The following ANK3 variants were observed in gnomAD, a reference collection of about 807,000 sequenced individuals.
The protein encoded by ANK3 is ankyrin-3.
A neutral mutation model predicts 370.9 loss-of-function variants in ANK3; 57 were observed. The observed-to-expected ratio is 0.15, with a 90% confidence interval of 0.12 to 0.19. The LOEUF is 0.19. Ranked by LOEUF, ANK3 falls within the 10% of genes least tolerant of loss-of-function variation. The probability of loss-of-function intolerance (pLI) is 1.00; values close to 1 mark genes in which losing one functional copy is unlikely to be tolerated. For synonymous variants in ANK3, 1,929 were observed against 1,946.3 expected, an observed-to-expected ratio of 0.99 and a Z score of 0.23; for missense variants, 4,439 against 5,302.1, an observed-to-expected ratio of 0.84 and a Z score of 5.06.
At chr10:60,164,013 T>A (rs2095560151) in intron 23 of ANK3, among the ~76,000 whole-genome samples, 1 of 152,162 alleles carries the variant, frequency 6.6e-6, no homozygotes, top group African/African-American at 2.4e-5. Context: ...CAACACTAAA[T>A]CTAACTAAAA....
intron 1 of ANK3, among the ~76,000 whole-genome samples, chr10:60,361,268 A>G (rs2058567028): frequency 6.6e-6 from 1 of 152,180 alleles, no homozygotes; most frequent in African/African-American, 2.4e-5. Flanking sequence ...TTTGCTACTA[A>G]CAATTATTCT....
chr10:60,253,913 G>T (rs1592539440), intron 7 of ANK3, among the ~76,000 whole-genome samples: 1 of 152,266 alleles, frequency 6.6e-6, no homozygotes, highest in Non-Finnish European at 1.5e-5. Context: ...AAAAAAGTCT[G>T]CTATAAGTGG....
At chr10:60,431,008 G>A (rs1053302478) in intron 2 of ANK3, among the ~76,000 whole-genome samples, 8 of 152,194 alleles carry the variant, frequency 5.3e-5, no homozygotes, top group Non-Finnish European at 8.8e-5. Context: ...AACTGGTTTT[G>A]TGGAAGACAA....
chr10:60,525,936 A>G (rs1284524373), intron 2 of ANK3, among the ~76,000 whole-genome samples: 5 of 152,162 alleles, frequency 3.3e-5, no homozygotes, highest in Admixed American at 6.6e-5. Context: ...TGCTGCATCA[A>G]GGAAAACCAG....
chr10:60,124,575 T>A (rs1361766592), intron 25 of ANK3, among the ~76,000 whole-genome samples: 1 of 152,226 alleles, frequency 6.6e-6, no homozygotes, highest in Non-Finnish European at 1.5e-5. Flanking sequence ...CCTTTTCACA[T>A]CACAGGGAGA....
chr10:60,669,714 C>T (rs1193324053), intron 1 of ANK3, among the ~76,000 whole-genome samples: 1 of 152,202 alleles, frequency 6.6e-6, no homozygotes, highest in African/African-American at 2.4e-5. Flanking sequence ...CCCTCACTTT[C>T]TTTGGTTGAC....
chr10:60,132,051 A>G (rs537001025), intron 25 of ANK3, among the ~76,000 whole-genome samples: 24 of 152,286 alleles, frequency 1.6e-4, no homozygotes, highest in African/African-American at 5.5e-4. Context: ...AGTGGTATCA[A>G]TATCTCCACT....
At chr10:60,659,130 T>TA (rs1234567232) in intron 1 of ANK3, among the ~76,000 whole-genome samples, 3 of 152,270 alleles carry the variant, frequency 2.0e-5, no homozygotes, top group Non-Finnish European at 4.4e-5. Context: ...GTATAAAACT[T>TA]ACGAAGAAAA....
chr10:60,239,923 A>G (rs2097400014), intron 7 of ANK3, among the ~76,000 whole-genome samples: 1 of 151,718 alleles, frequency 6.6e-6, no homozygotes, highest in Admixed American at 6.6e-5. Flanking sequence ...AAAGATATCA[A>G]ACTATGAAAA....
At chr10:60,336,033 A>T (rs563885223) in intron 1 of ANK3, among the ~76,000 whole-genome samples, 2 of 151,928 alleles carry the variant, frequency 1.3e-5, no homozygotes, top group East Asian at 3.9e-4. Flanking sequence ...TATTCTTCGG[A>T]TGCGGAAGTT....
chr10:60,698,444 C>T (rs2079495548), intron 1 of ANK3, among the ~76,000 whole-genome samples: 1 of 151,528 alleles, frequency 6.6e-6, no homozygotes, highest in South Asian at 2.1e-4. Flanking sequence ...TATAAAGACA[C>T]ATGCACACGT....
intron 2 of ANK3, among the ~76,000 whole-genome samples, chr10:60,439,563 T>A (rs912357726): frequency 6.6e-6 from 1 of 152,112 alleles, no homozygotes; most frequent in African/African-American, 2.4e-5. Flanking sequence ...AGAATTTATA[T>A]ATGAAGTTGT....
intron 2 of ANK3, among the ~76,000 whole-genome samples, chr10:60,420,946 C>T (rs1480841632): frequency 6.6e-6 from 1 of 152,054 alleles, no homozygotes; most frequent in Non-Finnish European, 1.5e-5. Context: ...AAGGTGGAAA[C>T]AGCCCAACTG....
intron 28 of ANK3, among the ~76,000 whole-genome samples, chr10:60,099,145 C>T (rs2090709861): frequency 6.6e-6 from 1 of 152,136 alleles, no homozygotes; most frequent in African/African-American, 2.4e-5. Context: ...AGAGCCTTCC[C>T]CAGGCCCCAG....
At chr10:60,404,210 CAA>C (rs996509673) in intron 2 of ANK3, among the ~76,000 whole-genome samples, 1 of 63,746 alleles carries the variant, frequency 1.6e-5, no homozygotes, top group African/African-American at 4.9e-5. Flanking sequence ...CATAACACCA[CAA>C]GTTTTTTTTT....
intron 17 of ANK3, among the ~76,000 whole-genome samples, chr10:60,182,966 G>C (rs2096239425): frequency 6.6e-6 from 1 of 152,210 alleles, no homozygotes; most frequent in South Asian, 2.1e-4. Context: ...CATTTTGTGA[G>C]TGTCATGGTC....
At chr10:60,184,239 G>A (rs2096271049) in intron 17 of ANK3, among the ~76,000 whole-genome samples, 2 of 152,210 alleles carry the variant, frequency 1.3e-5, no homozygotes, top group Admixed American at 1.3e-4. Context: ...GCAGGAGAAG[G>A]GAGGAGGGAA....
At chr10:60,594,692 A>G (rs1290898171) in intron 2 of ANK3, among the ~76,000 whole-genome samples, 1 of 152,166 alleles carries the variant, frequency 6.6e-6, no homozygotes, top group Non-Finnish European at 1.5e-5. Context: ...GAGTTTTGCC[A>G]TTTGTGATCT....
chr10:60,373,881 C>T (rs1594716530), intron 1 of ANK3, among the ~76,000 whole-genome samples: 1 of 152,130 alleles, frequency 6.6e-6, no homozygotes, highest in African/African-American at 2.4e-5. Flanking sequence ...CCCAGATGAA[C>T]CTGATGAAGC....
Sources: gnomAD v4.1 joint callset for allele counts (sites outside exome capture counted in the v4.1 genomes callset) on GRCh38, gnomAD v4.1.1 for gene constraint, MANE v1.5 for transcripts, NCBI Gene and HGNC (gene_info 2026-07-23, HGNC 2026-07-21) for gene names.